The following RALYL variants were observed in gnomAD, a reference collection of about 807,000 sequenced individuals.
The protein encoded by RALYL is RALY RNA binding protein like.
RALYL carries 29 observed loss-of-function variants against 35.1 expected under a neutral mutation model. The observed-to-expected ratio is 0.83, with a 90% confidence interval of 0.61 to 1.13. RALYL has a LOEUF of 1.13. Among genes scored for constraint, RALYL ranks in the 50% most tolerant of loss-of-function variants. The pLI, the probability that RALYL is intolerant of heterozygous loss-of-function variation, is 0.00. For missense variants in RALYL, 359 were observed against 360.4 expected (o/e 1.00, Z 0.03); for synonymous variants, 120 against 127.6 (o/e 0.94, Z 0.40).
chr8:84,665,735 T>A (rs1831880353), intron 2 of RALYL: 1 of 151,932 alleles, frequency 6.6e-6, no homozygotes, highest in Non-Finnish European at 1.5e-5. Flanking sequence ...ATTTTATTAA[T>A]TTTTTTCAAA....
In RALYL at chr8:84,889,587, G is replaced by A. The variant is rs184518184; in HGVS notation, c.858+1811G>A. ...CCCAAGATGTCTTCATCAAATACTAGAGCGTTAAATATTATCTATAGGCCA... is the reference window on the plus strand; with the variant it reads ...CCCAAGATGTCTTCATCAAATACTAAAGCGTTAAATATTATCTATAGGCCA... On this transcript the variant is annotated intron_variant, in intron 8 of 8. Coordinates refer to ENST00000521268, the MANE Select transcript of RALYL (RefSeq NM_173848.7). Among the ~76,000 whole-genome samples the A allele has an allele frequency of 1.4e-4, 21 of 152,170 alleles. No individual in the cohort carries two copies. In the East Asian group the frequency reaches 3.7e-3, roughly 27 times the overall value.
intron 4 of RALYL, among the ~76,000 whole-genome samples, chr8:84,841,728 C>A (rs1384736812): frequency 6.6e-6 from 1 of 152,214 alleles, no homozygotes; most frequent in Non-Finnish European, 1.5e-5. Context: ...GTAAAGCACT[C>A]CTCTGCAAAT....
At chr8:84,199,738 T>C (rs1387361644) in intron 1 of RALYL, among the ~76,000 whole-genome samples, 1 of 151,566 alleles carries the variant, frequency 6.6e-6, no homozygotes, top group African/African-American at 2.4e-5. Context: ...CCCAGCACCA[T>C]TTATTAAAGA....
chr8:84,895,349 A>AG (rs2135503114), intron 8 of RALYL, among the ~76,000 whole-genome samples: 1 of 152,226 alleles, frequency 6.6e-6, no homozygotes, highest in East Asian at 1.9e-4. Context: ...CAAAAAAAAA[A>AG]AAAAGACTTA....
At chr8:84,265,220 A>G (rs1372534303) in intron 1 of RALYL, among the ~76,000 whole-genome samples, 1 of 152,210 alleles carries the variant, frequency 6.6e-6, no homozygotes, top group Non-Finnish European at 1.5e-5. Flanking sequence ...TACAAAAGGT[A>G]ATTTGAAGAT....
intron 1 of RALYL, among the ~76,000 whole-genome samples, chr8:84,471,034 G>GT (rs1345324160): frequency 6.6e-6 from 1 of 152,150 alleles, no homozygotes; most frequent in Non-Finnish European, 1.5e-5. Context: ...CCTCTTTTCT[G>GT]TAACATTGAG....
At chr8:84,504,255 G>T (rs190515789) in intron 1 of RALYL, among the ~76,000 whole-genome samples, 1 of 152,096 alleles carries the variant, frequency 6.6e-6, no homozygotes, top group Non-Finnish European at 1.5e-5. Flanking sequence ...GAATATAAAA[G>T]GAAATAACAA....
chr8:84,716,170 G>T (rs932596173), intron 2 of RALYL, among the ~76,000 whole-genome samples: 5 of 151,964 alleles, frequency 3.3e-5, no homozygotes, highest in Non-Finnish European at 1.5e-5. Context: ...TTCTTAATAG[G>T]CTCCACAGGC....
chr8:84,700,887 G>A (rs1050459386), intron 2 of RALYL, among the ~76,000 whole-genome samples: 2 of 152,136 alleles, frequency 1.3e-5, no homozygotes, highest in Non-Finnish European at 1.5e-5. Context: ...GTTGGTGATT[G>A]TGCTGGGGTT....
chr8:84,884,047 C>G (rs1249915910), intron 7 of RALYL, among the ~76,000 whole-genome samples: 1 of 151,996 alleles, frequency 6.6e-6, no homozygotes, highest in Non-Finnish European at 1.5e-5. Flanking sequence ...AACCCTATAT[C>G]CTTCCTGATA....
At chr8:84,217,097 C>T (rs1445307678) in intron 1 of RALYL, among the ~76,000 whole-genome samples, 1 of 152,114 alleles carries the variant, frequency 6.6e-6, no homozygotes, top group Non-Finnish European at 1.5e-5. Context: ...ACAGCTTAGC[C>T]TCTGAGCTTG....
At chr8:84,765,406 C>G (rs1437054726) in intron 2 of RALYL, among the ~76,000 whole-genome samples, 26 of 152,112 alleles carry the variant, frequency 1.7e-4, no homozygotes, top group Admixed American at 1.7e-3. Flanking sequence ...CAGGGTATCA[C>G]CTCTTTTGCT....
At chr8:84,423,760 G>C (rs1057039627) in intron 1 of RALYL, among the ~76,000 whole-genome samples, 241 of 151,182 alleles carry the variant, frequency 1.6e-3, no homozygotes, top group Middle Eastern at 0.01. Flanking sequence ...GACAAAATCG[G>C]TCAGCATTTG....
At chr8:84,461,697 T>C (rs1301415786) in intron 1 of RALYL, among the ~76,000 whole-genome samples, 2 of 151,772 alleles carry the variant, frequency 1.3e-5, no homozygotes, top group Non-Finnish European at 3.0e-5. Context: ...AAAATAATTA[T>C]TTAAAAGTTG....
At chr8:84,814,940 G>A (rs548823557) in intron 4 of RALYL, among the ~76,000 whole-genome samples, 23 of 152,290 alleles carry the variant, frequency 1.5e-4, no homozygotes, top group African/African-American at 3.6e-4. Flanking sequence ...GTTTTCCAAC[G>A]CTACCTAGGT....
At chr8:84,657,827 C>T (rs1830236160) in intron 2 of RALYL, among the ~76,000 whole-genome samples, 1 of 152,152 alleles carries the variant, frequency 6.6e-6, no homozygotes, top group African/African-American at 2.4e-5. Context: ...TCCACCAAGT[C>T]AATCAGTGGG....
chr8:84,453,180 G>T (rs2049711047), intron 1 of RALYL, among the ~76,000 whole-genome samples: 1 of 151,668 alleles, frequency 6.6e-6, no homozygotes, highest in Admixed American at 6.6e-5. Context: ...TAGCTCTTTG[G>T]AGTTTAAACA....
chr8:84,777,296 A>G (rs993644318), intron 3 of RALYL, among the ~76,000 whole-genome samples: 6 of 152,234 alleles, frequency 3.9e-5, no homozygotes, highest in African/African-American at 1.4e-4. Context: ...TAAACAACAC[A>G]GATAGGGAAA....
At chr8:84,241,107 C>G (rs1470961657) in intron 1 of RALYL, among the ~76,000 whole-genome samples, 1 of 151,948 alleles carries the variant, frequency 6.6e-6, no homozygotes, top group African/African-American at 2.4e-5. Flanking sequence ...TTACTTTGCT[C>G]ACTTAAAAAA....
Sources: gnomAD v4.1 joint callset for allele counts (sites outside exome capture counted in the v4.1 genomes callset) on GRCh38, gnomAD v4.1.1 for gene constraint, MANE v1.5 for transcripts, NCBI Gene and HGNC (gene_info 2026-07-23, HGNC 2026-07-21) for gene names.